The following RALGPS1 variants were observed in gnomAD, a reference collection of about 807,000 sequenced individuals.
RALGPS1 encodes the protein ras-specific guanine nucleotide-releasing factor RalGPS1.
In RALGPS1, 19 loss-of-function variants were observed where a neutral mutation model predicts 78.8. The ratio of observed to expected loss-of-function variants is 0.24; its 90% confidence interval spans 0.17 to 0.35. The LOEUF is 0.35. RALGPS1 is among the 10% of genes least tolerant of loss of function. The pLI is 1.00. For synonymous variants in RALGPS1, 228 were observed against 256.3 expected, an observed-to-expected ratio of 0.89 and a Z score of 1.06; for missense variants, 454 against 688.3, an observed-to-expected ratio of 0.66 and a Z score of 3.81.
At chr9:127,140,546 T>C (rs888248906) in intron 8 of RALGPS1, among the ~76,000 whole-genome samples, 3 of 152,108 alleles carry the variant, frequency 2.0e-5, no homozygotes, top group Admixed American at 6.5e-5. Flanking sequence ...AACAGAACAT[T>C]CCACCAGGAC....
At chr9:127,020,991 A>G (rs2045387632) in intron 4 of RALGPS1, among the ~76,000 whole-genome samples, 1 of 152,238 alleles carries the variant, frequency 6.6e-6, no homozygotes, top group South Asian at 2.1e-4. Flanking sequence ...TGTGCCTGAC[A>G]CTTAGAAAGT....
intron 4 of RALGPS1, among the ~76,000 whole-genome samples, chr9:127,024,696 TCTC>T (rs2045812623): frequency 6.6e-6 from 1 of 152,138 alleles, no homozygotes; most frequent in South Asian, 2.1e-4. Flanking sequence ...TAGATTTTCT[TCTC>T]TTTTAATCCA....
intron 1 of RALGPS1, among the ~76,000 whole-genome samples, chr9:126,959,582 C>T (rs1232037942): frequency 1.4e-5 from 2 of 139,792 alleles, no homozygotes; most frequent in African/African-American, 4.9e-5. Flanking sequence ...AAAAACTTTA[C>T]CTGACCAGTT....
At chr9:126,947,753 G>T (rs1362115600) in intron 1 of RALGPS1, among the ~76,000 whole-genome samples, 1 of 152,158 alleles carries the variant, frequency 6.6e-6, no homozygotes, top group Non-Finnish European at 1.5e-5. Context: ...TACCCTGGTG[G>T]GGGTGGGGTT....
At position 127,142,903 on chromosome 9, in the gene RALGPS1, T is replaced by A. The variant is rs145921133; in HGVS notation, c.611-23166T>A. On this transcript the variant is annotated intron_variant, in intron 8 of 18. Coordinates refer to ENST00000259351, the MANE Select transcript of RALGPS1 (RefSeq NM_014636.3). ...TAACAATTATTAGAAGAAAGTTATA[T>A]CTTAATGATTAATCAGGTAGTATGT... Among the ~76,000 whole-genome samples, 369 of 152,348 alleles carry A rather than the reference T, an allele frequency of 2.4e-3. 1 individual carries two copies. The highest frequency in any genetic ancestry group is 8.3e-3 in the African/African-American group (344 of 41,582).
At chr9:127,157,169 C>A (rs1564683739) in intron 8 of RALGPS1, among the ~76,000 whole-genome samples, 1 of 152,034 alleles carries the variant, frequency 6.6e-6, no homozygotes, top group Non-Finnish European at 1.5e-5. Flanking sequence ...TGTTTATTTT[C>A]ATACATTTCC....
intron 4 of RALGPS1, chr9:127,016,875 C>T (rs1381395001): frequency 6.6e-6 from 1 of 152,114 alleles, no homozygotes; most frequent in Non-Finnish European, 1.5e-5. Context: ...TTGACCCCAC[C>T]TTTTCAAGAA....
chr9:126,975,773 A>G (rs1331101287), intron 3 of RALGPS1, among the ~76,000 whole-genome samples: 1 of 152,098 alleles, frequency 6.6e-6, no homozygotes. Flanking sequence ...GGCCAGATAC[A>G]TTATGCTGAT....
intron 4 of RALGPS1, among the ~76,000 whole-genome samples, chr9:127,009,104 C>T (rs1462913342): frequency 3.9e-5 from 6 of 152,228 alleles, no homozygotes; most frequent in African/African-American, 7.2e-5. Flanking sequence ...AAGTTCTTCT[C>T]AAAGAATCTG....
chr9:127,158,931 C>T (rs2058854525), intron 8 of RALGPS1, among the ~76,000 whole-genome samples: 2 of 151,622 alleles, frequency 1.3e-5, no homozygotes, highest in African/African-American at 4.9e-5. Flanking sequence ...GGTGGAATTG[C>T]TCCAGATGCC....
intron 8 of RALGPS1, among the ~76,000 whole-genome samples, chr9:127,141,430 G>A (rs1436283535): frequency 6.6e-6 from 1 of 151,954 alleles, no homozygotes; most frequent in Non-Finnish European, 1.5e-5. Flanking sequence ...CGCTTTCCTT[G>A]CTCAGAAGCA....
At chr9:127,127,990 A>G (rs1784634567) in intron 8 of RALGPS1, among the ~76,000 whole-genome samples, 2 of 151,940 alleles carry the variant, frequency 1.3e-5, no homozygotes, top group South Asian at 2.1e-4. Context: ...CTCGTCATTT[A>G]CATTAGGTAT....
chr9:126,919,840 T>C (rs1386672059), intron 1 of RALGPS1, among the ~76,000 whole-genome samples: 2 of 152,106 alleles, frequency 1.3e-5, no homozygotes, highest in Non-Finnish European at 2.9e-5. Flanking sequence ...GCACAAGCCA[T>C]TGATTACCAA....
intron 8 of RALGPS1, among the ~76,000 whole-genome samples, chr9:127,078,920 A>T (rs1161595053): frequency 6.6e-6 from 1 of 152,194 alleles, no homozygotes; most frequent in Non-Finnish European, 1.5e-5. Flanking sequence ...TAATCCTCTC[A>T]ACACTCCTTC....
chr9:127,145,554 G>A (rs2138844104), intron 8 of RALGPS1, among the ~76,000 whole-genome samples: 1 of 152,274 alleles, frequency 6.6e-6, no homozygotes, highest in East Asian at 1.9e-4. Context: ...TCTTTCCCAG[G>A]GTTAAGTAAC....
chr9:127,152,641 A>T (rs931089036), intron 8 of RALGPS1, among the ~76,000 whole-genome samples: 60 of 152,162 alleles, frequency 3.9e-4, no homozygotes, highest in Admixed American at 3.9e-3. Flanking sequence ...TCTGTCCTGT[A>T]TATCTGCCCT....
At chr9:127,075,529 G>C (rs929541499) in intron 8 of RALGPS1, among the ~76,000 whole-genome samples, 2 of 152,262 alleles carry the variant, frequency 1.3e-5, no homozygotes, top group Middle Eastern at 3.2e-3. Flanking sequence ...CCCAGGGACA[G>C]ATTTGTTTAT....
chr9:127,060,923 A>G (rs1205979751), intron 7 of RALGPS1, among the ~76,000 whole-genome samples: 1 of 152,268 alleles, frequency 6.6e-6, no homozygotes, highest in East Asian at 1.9e-4. Context: ...GTTTTATGAT[A>G]ATAATATTTT....
At chr9:126,972,439 A>T (rs2040206847) in intron 3 of RALGPS1, among the ~76,000 whole-genome samples, 1 of 152,226 alleles carries the variant, frequency 6.6e-6, no homozygotes, top group Non-Finnish European at 1.5e-5. Flanking sequence ...AAGGAAAAGA[A>T]ATGAAAGAAT....
Sources: gnomAD v4.1 joint callset for allele counts (sites outside exome capture counted in the v4.1 genomes callset) on GRCh38, gnomAD v4.1.1 for gene constraint, MANE v1.5 for transcripts, NCBI Gene and HGNC (gene_info 2026-07-23, HGNC 2026-07-21) for gene names.